Variants in TMEM61 observed in about 807,000 individuals in gnomAD.
The protein encoded by TMEM61 is transmembrane protein 61.
In TMEM61, 13 loss-of-function variants were observed where a neutral mutation model predicts 12.0. The observed-to-expected ratio is 1.08, with a 90% CI of 0.70 to 1.72. The LOEUF (loss-of-function observed/expected upper bound fraction) is 1.72, where lower values mean the gene tolerates loss of function less well. Among genes scored for constraint, TMEM61 ranks in the 40% most tolerant of loss-of-function variants. TMEM61 has a pLI of 0.00. For missense variants in TMEM61, 249 were observed against 276.9 expected (o/e 0.90, Z 0.71); for synonymous variants, 109 against 121.4 (o/e 0.90, Z 0.67).
At chr1:54,983,447 T>C (rs923719478) in intron 1 of TMEM61, among the ~76,000 whole-genome samples, 4 of 152,188 alleles carry the variant, frequency 2.6e-5, no homozygotes, top group Non-Finnish European at 5.9e-5. Flanking sequence ...TTTATTCTCT[T>C]CTGTGGTTTT....
chr1:54,991,483 C>A (rs1644297456), intron 2 of TMEM61, among the ~76,000 whole-genome samples: 1 of 152,196 alleles, frequency 6.6e-6, no homozygotes, highest in Admixed American at 6.5e-5. Flanking sequence ...ACCACCATCA[C>A]TCAATCTTTC....
intron 1 of TMEM61, among the ~76,000 whole-genome samples, chr1:54,984,903 AG>A (rs1429981954): frequency 6.6e-6 from 1 of 152,198 alleles, no homozygotes; most frequent in African/African-American, 2.4e-5. Flanking sequence ...ACTCAGACCT[AG>A]GTTTCCGCCT....
chr1:54,988,365 G>A (rs929156419), intron 2 of TMEM61, among the ~76,000 whole-genome samples: 2 of 152,244 alleles, frequency 1.3e-5, no homozygotes, highest in Non-Finnish European at 2.9e-5. Context: ...CAGTGGGCCA[G>A]GGAGGAAGCC....
rs551740186 is a variant in TMEM61, at chr1:54,992,106, G to T, written c.*3G>T. On this transcript the variant is annotated 3_prime_UTR_variant, in exon 3 of 3. Coordinates refer to ENST00000371268, the MANE Select transcript of TMEM61 (RefSeq NM_182532.3). ...AGACTGCACGGGGAGGAAGTTAAAGGCTCCTAGCAGGTCCTGAATCCAGAG... is the reference window on the plus strand; with the variant it reads ...AGACTGCACGGGGAGGAAGTTAAAGTCTCCTAGCAGGTCCTGAATCCAGAG... The T allele has an allele frequency of 1.2e-4, 200 of 1,608,892 alleles. 4 individuals carry two copies. In the South Asian group the frequency reaches 2.1e-3, roughly 17 times the overall value.
At chr1:54,986,661 T>C (rs1422499436) in intron 2 of TMEM61, among the ~76,000 whole-genome samples, 2 of 151,048 alleles carry the variant, frequency 1.3e-5, no homozygotes, top group Non-Finnish European at 2.9e-5. Context: ...CAAACCGGAG[T>C]AGGTAGTGCT....
intron 1 of TMEM61, 34 bp downstream of exon 1, chr1:54,981,114 G>A (rs1211087942): frequency 3.8e-6 from 6 of 1,576,024 alleles, no homozygotes; most frequent in Middle Eastern, 1.7e-4. Flanking sequence ...TCCTTTACGG[G>A]CACTCAGCCC....
chr1:54,986,654 A>G (rs1376854367), intron 2 of TMEM61, among the ~76,000 whole-genome samples: 3 of 152,098 alleles, frequency 2.0e-5, no homozygotes, highest in African/African-American at 7.2e-5. Context: ...ATGATGACAA[A>G]CCGGAGTAGG....
chr1:54,984,324 G>A (rs1034078764), intron 1 of TMEM61, among the ~76,000 whole-genome samples: 2 of 152,228 alleles, frequency 1.3e-5, no homozygotes, highest in Non-Finnish European at 2.9e-5. Context: ...TCTGGAAGAG[G>A]AGACAGTGCT....
At position 54,986,321 on chromosome 1, in the gene TMEM61, G is replaced by A; in HGVS notation, c.240G>A (p.Leu80=). 2 of 1,614,060 alleles carry A rather than the reference G, an allele frequency of 1.2e-6. No individual in the cohort carries two copies. The highest frequency in any genetic ancestry group is 1.7e-6 in the Non-Finnish European group (2 of 1,180,040). ...TCTGCTGCGGTGCAGGTGGCCTGCT[G>A]CTGCTCATTGGCCTGCTGTGGTCCG... The part of the protein sequence containing the change: ...SFVCCGAGGL[L]LLIGLLWSVK... Residue 80 remains leucine (L), a synonymous_variant, in exon 2 of 3, where the codon CTG becomes CTA. Transcript: ENST00000371268.
At chr1:54,991,757 C>G (rs556351250) in intron 2 of TMEM61, 79 bp from the exon 3 acceptor site, 1 of 1,509,210 alleles carries the variant, frequency 6.6e-7, no homozygotes, top group South Asian at 1.3e-5. Flanking sequence ...TCTCTGCCCC[C>G]AGCCTTCCTC....
chr1:54,991,076 C>T (rs1228209763), intron 2 of TMEM61, among the ~76,000 whole-genome samples: 4 of 152,212 alleles, frequency 2.6e-5, no homozygotes, highest in Admixed American at 2.6e-4. Context: ...ATTGGATCCC[C>T]AGAGATGACC....
intron 1 of TMEM61, among the ~76,000 whole-genome samples, chr1:54,984,188 G>A (rs546038863): frequency 9.2e-5 from 14 of 152,284 alleles, no homozygotes; most frequent in South Asian, 2.1e-4. Flanking sequence ...TTGAGCAGCC[G>A]CACAGCAGTA....
chr1:54,983,656 C>T (rs534425238), intron 1 of TMEM61, among the ~76,000 whole-genome samples: 1 of 152,150 alleles, frequency 6.6e-6, no homozygotes, highest in Non-Finnish European at 1.5e-5. Flanking sequence ...GGCCTGCCCA[C>T]CTGTAGGGAG....
rs527691651 is a variant in TMEM61 at position 54,991,981 on chromosome 1, G to T, written c.511G>T (p.Ala171Ser). Residue 171 changes from alanine (A) to serine (S), a missense_variant, in exon 3 of 3, where the codon GCC becomes TCC. Transcript: ENST00000371268. ...SRDALLSTQP[A>S]WPPPSYESIS... Reference sequence around the variant, plus strand: ...GGATGCCCTGCTCAGCACCCAGCCCGCCTGGCCTCCACCCAGCTATGAGAG... The same window carrying T: ...GGATGCCCTGCTCAGCACCCAGCCCTCCTGGCCTCCACCCAGCTATGAGAG... The T allele has an allele frequency of 1.2e-6, 2 of 1,614,006 alleles. No individual in the cohort carries two copies. Among genetic ancestry groups the T allele is most frequent in the African/African-American group, 2.7e-5 (2 of 74,920 alleles).
At chr1:54,991,107 C>G (rs896367812) in intron 2 of TMEM61, among the ~76,000 whole-genome samples, 2 of 152,196 alleles carry the variant, frequency 1.3e-5, no homozygotes, top group African/African-American at 2.4e-5. Context: ...CTGAGGGGGC[C>G]GACAGCTGGT....
At chr1:54,986,009 C>T (rs1253747622) in intron 1 of TMEM61, 88 bp from the exon 2 acceptor site, 3 of 1,202,130 alleles carry the variant, frequency 2.5e-6, no homozygotes, top group Non-Finnish European at 3.5e-6. Context: ...CAAGGTTGTA[C>T]AGTGACCTCA....
chr1:54,991,695 C>T (rs1473029605), intron 2 of TMEM61, 141 bp from the exon 3 acceptor site: 30 of 1,024,722 alleles, frequency 2.9e-5, no homozygotes, highest in Admixed American at 1.1e-4. Flanking sequence ...GTTTCAACTG[C>T]GTATATGTGA....
rs114470402 is a variant in TMEM61, at chr1:54,992,140, G to A, written c.*37G>A. On this transcript the variant is annotated 3_prime_UTR_variant, in exon 3 of 3. Transcript: ENST00000371268. The stretch of plus-strand genomic sequence containing the variant: ...AGGTCCTGAATCCAGAGACAAAAAT[G>A]CCGTGCCTTCTCCAGAGTCTTATGC... The A allele has an allele frequency of 5.6e-5, 89 of 1,596,910 alleles. No homozygotes were observed. The African/African-American group carries it at 1.1e-3, about 19-fold the overall frequency.
chr1:54,983,600 C>A (rs1015979), intron 1 of TMEM61, among the ~76,000 whole-genome samples: 1 of 151,866 alleles, frequency 6.6e-6, no homozygotes, highest in African/African-American at 2.4e-5. Flanking sequence ...GGTCCTTCAC[C>A]TTTTTGGGCT....
Sources: allele counts gnomAD v4.1 joint callset (sites outside exome capture counted in the v4.1 genomes callset), GRCh38; gene constraint gnomAD v4.1.1; transcripts MANE v1.5; gene names NCBI Gene and HGNC (gene_info 2026-07-23, HGNC 2026-07-21).